The following DAGLA variants were observed in gnomAD, a reference collection of about 807,000 sequenced individuals.
DAGLA encodes diacylglycerol lipase alpha, also known as diacylglycerol lipase-alpha.
In DAGLA, 22 loss-of-function variants were observed where a neutral mutation model predicts 102.6. That is an observed-to-expected ratio of 0.21 (90% CI 0.15 to 0.31). The LOEUF (loss-of-function observed/expected upper bound fraction) is 0.31. Ranked by LOEUF, DAGLA falls within the 10% of genes least tolerant of loss-of-function variation. The probability of loss-of-function intolerance (pLI) is 1.00; values close to 1 mark genes in which losing one functional copy is unlikely to be tolerated. For synonymous variants in DAGLA, 578 were observed against 628.9 expected, an observed-to-expected ratio of 0.92 and a Z score of 1.21; for missense variants, 927 against 1,446.6, an observed-to-expected ratio of 0.64 and a Z score of 5.83.
In DAGLA at chr11:61,734,770, G is replaced by A; in HGVS notation, c.975-79G>A. ...TGGGGCTGAATGCCCAACTGGAACTGGTTCCAGGGACAGTGGCAGGAGACA... is the reference window on the plus strand; with the variant it reads ...TGGGGCTGAATGCCCAACTGGAACTAGTTCCAGGGACAGTGGCAGGAGACA... On this transcript the variant is annotated intron_variant, in intron 9 of 19. Transcript: ENST00000257215. This position sits in a 1 kb window ranked among gnomAD's most constrained non-coding sequence, Gnocchi z 4.2. 2.8e-6 allele frequency: 4 copies of A among 1,424,496 alleles called. No individual in the cohort carries two copies. The Admixed American group carries it at 7.1e-5, about 25-fold the overall frequency. 88.2% of individuals were successfully genotyped at this position (1,424,496 alleles called of 1,614,324 possible). A position where few individuals can be genotyped will look rare whatever the true frequency, so the allele number is the denominator to read the frequency against.
intron 1 of DAGLA, among the ~76,000 whole-genome samples, chr11:61,704,043 C>G (rs1289292123): frequency 6.6e-6 from 1 of 152,160 alleles, no homozygotes; most frequent in Non-Finnish European, 1.5e-5. Context: ...GTGCTGCATT[C>G]CTTCCTTCAG....
At chr11:61,728,862 GC>G in intron 7 of DAGLA, 68 bp from the exon 8 acceptor site, 1 of 1,421,338 alleles carries the variant, frequency 7.0e-7, no homozygotes, top group South Asian at 1.2e-5. Context: ...CAGGGCCTGG[GC>G]CCCCTTTCCC....
intron 6 of DAGLA, among the ~76,000 whole-genome samples, chr11:61,726,917 C>G (rs2065331856): frequency 6.6e-6 from 1 of 152,228 alleles, no homozygotes; most frequent in Non-Finnish European, 1.5e-5. Context: ...GGAGCACCCC[C>G]TTGGGTCTCT....
Position 61,737,771 on chromosome 11 carries a change from CG to C in DAGLA, c.1583+17del. The C allele has an allele frequency of 6.2e-7, 1 of 1,611,984 alleles. No homozygotes were observed. The highest frequency in any genetic ancestry group is 8.5e-7 in the Non-Finnish European group (1 of 1,178,074). ...TCGTCCCCAGGTGAGTCCTTGGCCC[CG>C]CTCCATGGTCCCTTGCCAGGCTGTT... On this transcript the variant is annotated intron_variant, in intron 15 of 19. Coordinates refer to ENST00000257215, the MANE Select transcript of DAGLA (RefSeq NM_006133.3).
At chr11:61,714,569 C>T (rs754625178) in intron 1 of DAGLA, among the ~76,000 whole-genome samples, 22 of 152,204 alleles carry the variant, frequency 1.4e-4, no homozygotes, top group Non-Finnish European at 1.3e-4. Flanking sequence ...TGTGGTGACA[C>T]GCTACTAATG....
intron 1 of DAGLA, among the ~76,000 whole-genome samples, chr11:61,692,162 C>G (rs970873910): frequency 3.9e-5 from 6 of 152,178 alleles, no homozygotes; most frequent in African/African-American, 1.4e-4. Flanking sequence ...GAACCCAGGG[C>G]CTGCACAGGT....
chr11:61,689,438 A>G (rs1475505390), intron 1 of DAGLA, among the ~76,000 whole-genome samples: 1 of 152,178 alleles, frequency 6.6e-6, no homozygotes, highest in Non-Finnish European at 1.5e-5. Flanking sequence ...TAGCATAAAG[A>G]CAGAGCTTTA....
intron 1 of DAGLA, among the ~76,000 whole-genome samples, chr11:61,704,849 G>A (rs879015627): frequency 1.3e-5 from 2 of 152,170 alleles, no homozygotes; most frequent in African/African-American, 4.8e-5. Context: ...GGTCGGGCCC[G>A]GATGGCAGGA....
chr11:61,698,540 C>T (rs952977234), intron 1 of DAGLA, among the ~76,000 whole-genome samples: 3 of 152,190 alleles, frequency 2.0e-5, no homozygotes, highest in Admixed American at 6.5e-5. Flanking sequence ...GCACGTAGCA[C>T]GGACAGTTTC....
chr11:61,739,468 C>G lies in DAGLA; in HGVS notation c.1660C>G (p.Arg554Gly). The change falls in exon 17 of 20, where the codon CGG (arginine) becomes GGG (glycine). Residue 554 changes from arginine (R) to glycine (G), a missense_variant. By Grantham distance (125) the Arg-to-Gly change is moderately radical (BLOSUM62 -2). Transcript: ENST00000257215. ...TCTCCCACTCCACCCCGCGCAGTGG[C>G]GGATCATCGTGGGGGCCACCAAATG... ...VLQRSTKPKW[R>G]IIVGATKCIP... The G allele has an allele frequency of 6.2e-7, 1 of 1,613,272 alleles. No individual in the cohort carries two copies. The highest frequency in any genetic ancestry group is 8.5e-7 in the Non-Finnish European group (1 of 1,179,896).
chr11:61,741,096 A>C, intron 18 of DAGLA, 66 bp from the exon 19 acceptor site: 1 of 1,469,366 alleles, frequency 6.8e-7, no homozygotes, highest in Non-Finnish European at 9.2e-7. Flanking sequence ...CCCTGGCTCC[A>C]CATCGGCCCC....
chr11:61,720,993 A>C (rs961012826), intron 3 of DAGLA, 103 bp downstream of exon 3: 57 of 1,113,102 alleles, frequency 5.1e-5, no homozygotes, highest in Non-Finnish European at 7.0e-5. Context: ...GCCCTGTTTT[A>C]GCACTGGGGT....
At chr11:61,728,377 G>C (rs989746687) in intron 7 of DAGLA, 90 bp downstream of exon 7, 2 of 1,518,042 alleles carry the variant, frequency 1.3e-6, no homozygotes, top group Non-Finnish European at 8.9e-7. Flanking sequence ...CGGAGGGCTC[G>C]GCTCCCACGC....
Position 61,717,569 on chromosome 11 carries a change from G to A in DAGLA, c.-44-2543G>A, listed in dbSNP as rs560836486. 3.9e-5 allele frequency among the ~76,000 whole-genome samples: 6 copies of A among 152,330 alleles called. No homozygotes were observed. The South Asian group carries it at 1.2e-3, about 32-fold the overall frequency. On this transcript the variant is annotated intron_variant, in intron 1 of 19. Coordinates refer to ENST00000257215, the MANE Select transcript of DAGLA (RefSeq NM_006133.3). ...AGGGATAATCGACATTTTACAAATC[G>A]ACATTTTACAGTTGAGGAAACTGAG...
At chr11:61,728,041 C>T (rs1038344643) in intron 6 of DAGLA, 112 bp from the exon 7 acceptor site, 4 of 1,292,606 alleles carry the variant, frequency 3.1e-6, no homozygotes, top group South Asian at 2.6e-5. Context: ...TCCAGGGGAC[C>T]CCGAGCAGAC....
In DAGLA at chr11:61,734,576, CG is replaced by C. The variant is rs2135597980; in HGVS notation, c.975-271del. ...GGTGCATCGCTGAGTAGGCCCTGCCCGGAGGGGAGATCCCAGAGAGGAGGGG... is the reference window on the plus strand; with the variant it reads ...GGTGCATCGCTGAGTAGGCCCTGCCCGAGGGGAGATCCCAGAGAGGAGGGG... On this transcript the variant is annotated intron_variant, in intron 9 of 19. Coordinates refer to ENST00000257215, the MANE Select transcript of DAGLA (RefSeq NM_006133.3). The surrounding 1 kb of genome is among the most constrained non-coding windows in gnomAD (Gnocchi z 4.2). 6.6e-6 allele frequency among the ~76,000 whole-genome samples: 1 copy of C among 152,136 alleles called. No homozygotes were observed. Among genetic ancestry groups the C allele is most frequent in the South Asian group, 2.1e-4 (1 of 4,812 alleles).
At chr11:61,695,434 T>C (rs1205357406) in intron 1 of DAGLA, among the ~76,000 whole-genome samples, 2 of 152,196 alleles carry the variant, frequency 1.3e-5, no homozygotes, top group African/African-American at 2.4e-5. Flanking sequence ...CCCCAGAAGC[T>C]CCTGCCTAAG....
chr11:61,738,065 C>T (rs1591053027), intron 15 of DAGLA, 70 bp from the exon 16 acceptor site: 1 of 1,291,292 alleles, frequency 7.7e-7, no homozygotes, highest in Non-Finnish European at 1.1e-6. Flanking sequence ...TGCCCCTCCG[C>T]CCCTGGCCCC....
At chr11:61,682,882 A>T (rs1030403499) in intron 1 of DAGLA, among the ~76,000 whole-genome samples, 2 of 151,446 alleles carry the variant, frequency 1.3e-5, no homozygotes, top group African/African-American at 4.9e-5. Flanking sequence ...ATGCCCTCAG[A>T]CACATAGGGG....
Sources: gnomAD v4.1 joint callset for allele counts (sites outside exome capture counted in the v4.1 genomes callset) on GRCh38, gnomAD v4.1.1 for gene constraint, Gnocchi (gnomAD v3.1) non-coding constraint, MANE v1.5 for transcripts, NCBI Gene and HGNC (gene_info 2026-07-23, HGNC 2026-07-21) for gene names.